Variants in FAM78B observed in about 807,000 individuals in gnomAD.
FAM78B encodes the protein protein FAM78B.
Under a neutral mutation model 20.0 loss-of-function variants are expected in FAM78B, and 10 were observed. The observed-to-expected ratio is 0.50, with a 90% CI of 0.31 to 0.85. The LOEUF is 0.85. Ranked by LOEUF, FAM78B falls within the 40% of genes least tolerant of loss-of-function variation. The pLI is 0.05. For synonymous variants in FAM78B, 135 were observed against 132.8 expected, an observed-to-expected ratio of 1.02 and a Z score of -0.12; for missense variants, 283 against 345.0, an observed-to-expected ratio of 0.82 and a Z score of 1.42.
chr1:166,112,429 A>C (rs1654091349), intron 1 of FAM78B, among the ~76,000 whole-genome samples: 1 of 152,198 alleles, frequency 6.6e-6, no homozygotes, highest in African/African-American at 2.4e-5. Flanking sequence ...CTAGGAGTGA[A>C]GTCTCTGGAG....
chr1:166,062,644 T>C (rs1651640442), intron 2 of FAM78B, among the ~76,000 whole-genome samples: 2 of 152,232 alleles, frequency 1.3e-5, no homozygotes, highest in Non-Finnish European at 2.9e-5. Flanking sequence ...TCCCTGCTCA[T>C]CTGATATGCA....
intron 1 of FAM78B, among the ~76,000 whole-genome samples, chr1:166,155,152 CTT>C (rs1184423243): frequency 1.3e-5 from 2 of 152,182 alleles, no homozygotes; most frequent in Non-Finnish European, 2.9e-5. Flanking sequence ...TGATTTAAAC[CTT>C]TTGTTTCCCA....
intron 1 of FAM78B, among the ~76,000 whole-genome samples, chr1:166,141,034 A>C (rs1209438531): frequency 2.0e-5 from 3 of 152,256 alleles, no homozygotes; most frequent in Non-Finnish European, 4.4e-5. Flanking sequence ...TATGTAAACG[A>C]ATGCAGCACA....
intron 1 of FAM78B, among the ~76,000 whole-genome samples, chr1:166,086,126 G>A (rs1652820186): frequency 1.4e-5 from 2 of 142,704 alleles, no homozygotes; most frequent in East Asian, 2.1e-4. Context: ...TAAATGACTC[G>A]CCATTGTCAC....
chr1:166,109,830 ATG>A (rs1491232532), intron 1 of FAM78B, among the ~76,000 whole-genome samples: 5,811 of 19,596 alleles, frequency 0.3, 1,453 homozygotes, highest in Non-Finnish European at 0.33. Flanking sequence ...ATATATATAT[ATG>A]TATATATGTA....
chr1:166,123,108 G>A (rs542678582), intron 1 of FAM78B, among the ~76,000 whole-genome samples: 9 of 152,178 alleles, frequency 5.9e-5, no homozygotes, highest in African/African-American at 1.2e-4. Context: ...ATCCCAGCAC[G>A]GACAGGTAAC....
At chr1:166,136,951 C>G (rs1451706667) in intron 1 of FAM78B, among the ~76,000 whole-genome samples, 2 of 152,176 alleles carry the variant, frequency 1.3e-5, no homozygotes, top group African/African-American at 4.8e-5. Flanking sequence ...TCATAACTAT[C>G]ATGTGAGGTA....
chr1:166,062,512 A>G (rs1327153080), intron 2 of FAM78B, among the ~76,000 whole-genome samples: 3 of 152,248 alleles, frequency 2.0e-5, no homozygotes, highest in African/African-American at 7.2e-5. Flanking sequence ...GCTCCTGGGA[A>G]CAGATGCTTT....
intron 1 of FAM78B, among the ~76,000 whole-genome samples, chr1:166,139,250 C>G (rs1655186462): frequency 6.6e-6 from 1 of 152,114 alleles, no homozygotes; most frequent in African/African-American, 2.4e-5. Context: ...CAAAACAAAT[C>G]CCAGACCAAT....
chr1:166,109,170 A>C (rs1323552646), intron 1 of FAM78B, among the ~76,000 whole-genome samples: 1 of 152,240 alleles, frequency 6.6e-6, no homozygotes, highest in Admixed American at 6.5e-5. Context: ...AGACCTAATT[A>C]AACTAAAGAG....
At chr1:166,091,376 T>C (rs1264397804) in intron 1 of FAM78B, among the ~76,000 whole-genome samples, 1 of 152,092 alleles carries the variant, frequency 6.6e-6, no homozygotes, top group Non-Finnish European at 1.5e-5. Context: ...GGTCTTTCTC[T>C]TGCTGTTCTC....
chr1:166,061,194 T>C (rs1303345182), intron 2 of FAM78B, among the ~76,000 whole-genome samples: 1 of 152,238 alleles, frequency 6.6e-6, no homozygotes, highest in Non-Finnish European at 1.5e-5. Flanking sequence ...TATTCAGTTA[T>C]TCAACTTGAA....
chr1:166,161,982 T>C (rs1402213673), intron 1 of FAM78B, among the ~76,000 whole-genome samples: 3 of 152,076 alleles, frequency 2.0e-5, no homozygotes, highest in Non-Finnish European at 4.4e-5. Context: ...AAGGAAAGCA[T>C]AGAACAAGAA....
chr1:166,114,270 T>C (rs1332163319), intron 1 of FAM78B, among the ~76,000 whole-genome samples: 2 of 152,122 alleles, frequency 1.3e-5, no homozygotes, highest in African/African-American at 2.4e-5. Flanking sequence ...CATTTAGAGG[T>C]TGGAAAACTG....
Position 166,131,267 on chromosome 1 carries a change from C to T in FAM78B, c.263+34719G>A, listed in dbSNP as rs149338170. On this transcript the variant is annotated intron_variant, in intron 1 of 1. Coordinates refer to ENST00000354422, the MANE Select transcript of FAM78B (RefSeq NM_001017961.5). ...TCAGCCTCCCAAAGCACTGGGATTA[C>T]AGGAGTGAGCCACAAGAGTGAGCCA... Among the ~76,000 whole-genome samples the T allele has an allele frequency of 1.3e-3, 200 of 152,248 alleles. 1 individual carries two copies. The highest frequency in any genetic ancestry group is 4.4e-3 in the African/African-American group (184 of 41,544).
intron 1 of FAM78B, among the ~76,000 whole-genome samples, chr1:166,151,284 T>C (rs1655666734): frequency 6.6e-6 from 1 of 152,364 alleles, no homozygotes; most frequent in East Asian, 1.9e-4. Context: ...GCATTTCTGA[T>C]AGAACATTTC....
At chr1:166,163,437 G>C (rs1460961626) in intron 1 of FAM78B, among the ~76,000 whole-genome samples, 1 of 152,146 alleles carries the variant, frequency 6.6e-6, no homozygotes, top group African/African-American at 2.4e-5. Flanking sequence ...TTTCAATCCT[G>C]TAAACAGGAG....
chr1:166,103,745 T>C (rs12090894), intron 1 of FAM78B, among the ~76,000 whole-genome samples: 29,695 of 152,094 alleles, frequency 0.2, 3,303 homozygotes, highest in East Asian at 0.38. Context: ...CAGGTCCAGA[T>C]AGATTCACAG....
At position 166,079,843 on chromosome 1, in the gene FAM78B, A is replaced by T. The variant is rs954154347; in HGVS notation, c.264-9080T>A. On this transcript the variant is annotated intron_variant, in intron 1 of 1. Coordinates refer to ENST00000354422, the MANE Select transcript of FAM78B (RefSeq NM_001017961.5). ...TTGTATTCATACTCCGAAGCCTCAA[A>T]TGTTTGTTAGGGATGGGCAGAGCTG... is the stretch of plus-strand genomic sequence containing the variant. Among the ~76,000 whole-genome samples the T allele has an allele frequency of 4.6e-5, 7 of 152,286 alleles. No individual in the cohort carries two copies. In the East Asian group the frequency reaches 1.2e-3, roughly 25 times the overall value.
Sources: gnomAD v4.1 joint callset for allele counts (sites outside exome capture counted in the v4.1 genomes callset) on GRCh38, gnomAD v4.1.1 for gene constraint, MANE v1.5 for transcripts, NCBI Gene and HGNC (gene_info 2026-07-23, HGNC 2026-07-21) for gene names.